Variants in GLDN observed in about 807,000 individuals in gnomAD.
GLDN encodes gliomedin.
A neutral mutation model predicts 56.5 loss-of-function variants in GLDN; 47 were observed. The observed-to-expected ratio is 0.83, with a 90% CI of 0.66 to 1.06. The LOEUF is 1.06. Among genes scored for constraint, GLDN ranks in the 50% least tolerant of loss-of-function variants. GLDN has a pLI of 0.00. For synonymous variants in GLDN, 332 were observed against 278.8 expected, an observed-to-expected ratio of 1.19 and a Z score of -1.90; for missense variants, 782 against 714.3, an observed-to-expected ratio of 1.09 and a Z score of -1.08.
Position 51,400,370 on chromosome 15 carries a change from C to T in GLDN, c.902-3C>T. The stretch of plus-strand genomic sequence containing the variant: ...GTGACTTTCTTTTCTCTTCTTTTGG[C>T]AGAATCCATGATCACTTCCATTGGA... On this transcript the variant is annotated splice_polypyrimidine_tract_variant and splice_region_variant and intron_variant, in intron 7 of 9. Coordinates refer to ENST00000335449, the MANE Select transcript of GLDN (RefSeq NM_181789.4). 1.9e-6 allele frequency: 3 copies of T among 1,614,172 alleles called. No individual in the cohort carries two copies. The highest frequency in any genetic ancestry group is 2.5e-6 in the Non-Finnish European group (3 of 1,180,020).
intron 1 of GLDN, among the ~76,000 whole-genome samples, chr15:51,349,674 G>A (rs1008491404): frequency 1.3e-5 from 2 of 151,820 alleles, no homozygotes; most frequent in African/African-American, 2.4e-5. Flanking sequence ...TTTTTGTCTC[G>A]TTCTTCTCAG....
intron 4 of GLDN, among the ~76,000 whole-genome samples, chr15:51,386,252 G>A (rs1235628415): frequency 1.3e-5 from 2 of 152,134 alleles, no homozygotes; most frequent in African/African-American, 4.8e-5. Flanking sequence ...CCCCCATGAG[G>A]AGTTCATTGT....
Position 51,400,706 on chromosome 15 carries a change from A to T in GLDN, c.1027+208A>T, listed in dbSNP as rs114537731. Reference sequence around the variant, plus strand: ...TGGCAAGCCTTGAAGTTCAGGTCACAGGGGCATGAGGAGGGTAACCCAGAT... The same window carrying T: ...TGGCAAGCCTTGAAGTTCAGGTCACTGGGGCATGAGGAGGGTAACCCAGAT... On this transcript the variant is annotated intron_variant, in intron 8 of 9. Transcript: ENST00000335449. 9.8e-3 allele frequency among the ~76,000 whole-genome samples: 1,494 copies of T among 152,338 alleles called. 26 individuals are homozygous for T. The highest frequency in any genetic ancestry group is 0.034 in the African/African-American group (1,422 of 41,578).
chr15:51,372,167 T>A (rs1217948814), intron 1 of GLDN, among the ~76,000 whole-genome samples: 1 of 151,328 alleles, frequency 6.6e-6, no homozygotes, highest in Admixed American at 6.7e-5. Context: ...AGCCACCAGT[T>A]CCACTACCAT....
In GLDN at chr15:51,342,011, T is replaced by C. The variant is rs534019745; in HGVS notation, c.327T>C (p.His109=). 41 of 1,597,234 alleles carry C rather than the reference T, an allele frequency of 2.6e-5. No homozygotes were observed. Among genetic ancestry groups the C allele is most frequent in the Non-Finnish European group, 3.3e-5 (39 of 1,179,204 alleles). ...CGCCGCATATCCGCGCCGAGAGCCA[T>C]GACATGCTGATGATGATGACCTACT... is the stretch of plus-strand genomic sequence containing the variant. The part of the protein sequence containing the change: ...EPAPHIRAES[H]DMLMMMTYSM... Residue 109 remains histidine (H), a synonymous_variant, in exon 1 of 10, where the codon CAT becomes CAC. Transcript: ENST00000335449.
At chr15:51,391,308 C>T (rs2038015326) in intron 4 of GLDN, among the ~76,000 whole-genome samples, 1 of 151,916 alleles carries the variant, frequency 6.6e-6, no homozygotes, top group African/African-American at 2.4e-5. Flanking sequence ...AAAGAAAAGA[C>T]ATAAGAGGAA....
chr15:51,362,645 G>C (rs1035038823), intron 1 of GLDN, among the ~76,000 whole-genome samples: 4 of 152,066 alleles, frequency 2.6e-5, no homozygotes, highest in Admixed American at 2.6e-4. Context: ...GAAGAAGAGT[G>C]ACATGATCTC....
chr15:51,394,612 C>CAATA (rs142890346), intron 4 of GLDN, among the ~76,000 whole-genome samples: 4,762 of 151,502 alleles, frequency 0.031, 91 homozygotes, highest in Non-Finnish European at 0.044. Flanking sequence ...GAGTCCATCT[C>CAATA]AATAAATAAA....
At chr15:51,352,100 CT>C (rs2037086405) in intron 1 of GLDN, among the ~76,000 whole-genome samples, 1 of 151,852 alleles carries the variant, frequency 6.6e-6, no homozygotes, top group Non-Finnish European at 1.5e-5. Context: ...AAATTTATTT[CT>C]TATGGTTCTG....
intron 1 of GLDN, among the ~76,000 whole-genome samples, chr15:51,350,880 C>T (rs2037064115): frequency 1.3e-5 from 2 of 152,190 alleles, no homozygotes; most frequent in Non-Finnish European, 2.9e-5. Context: ...CCATCAGGAC[C>T]TACTCTCATG....
In GLDN at chr15:51,406,009, G is replaced by C. The variant is rs2038373228; in HGVS notation, c.*1255G>C. ...ACTCCTGATAAAGAATATAAAGTGA[G>C]CCTGATTCTTGAAAAAATCAGAACC... On this transcript the variant is annotated 3_prime_UTR_variant, in exon 10 of 10. Transcript: ENST00000335449. The C allele has an allele frequency of 6.6e-6, 1 of 152,124 alleles. No individual in the cohort carries two copies. Among genetic ancestry groups the C allele is most frequent in the Admixed American group, 6.5e-5 (1 of 15,280 alleles). The allele number at this position is 152,124 out of a possible 1,614,324, so 9.4% of individuals were successfully genotyped here. A position where few individuals can be genotyped will look rare whatever the true frequency, so the allele number is the denominator to read the frequency against.
downstream of GLDN, among the ~76,000 whole-genome samples, chr15:51,410,588 A>G (rs1406321508): frequency 6.6e-6 from 1 of 152,106 alleles, no homozygotes; most frequent in Non-Finnish European, 1.5e-5. Flanking sequence ...ACAGGTGTTG[A>G]TCCTAAGGGC....
intron 1 of GLDN, among the ~76,000 whole-genome samples, chr15:51,364,769 G>A (rs1438861792): frequency 6.6e-6 from 1 of 151,810 alleles, no homozygotes; most frequent in East Asian, 1.9e-4. Context: ...CCTCATTATT[G>A]GTTGTGTTTT....
chr15:51,402,342 G>A (rs1415733784), intron 9 of GLDN, among the ~76,000 whole-genome samples: 1 of 151,068 alleles, frequency 6.6e-6, no homozygotes, highest in Non-Finnish European at 1.5e-5. Context: ...TGTCTTTAGG[G>A]TTCAAGAAGA....
At position 51,400,184 on chromosome 15, in the gene GLDN, C is replaced by A. The variant is rs757353345; in HGVS notation, c.818-8C>A. On this transcript the variant is annotated splice_polypyrimidine_tract_variant and splice_region_variant and intron_variant, in intron 6 of 9. Transcript: ENST00000335449. Reference sequence around the variant, plus strand: ...TATCGGCTCTGATGATTATTGTTGTCATTTTAGGTGAGACTTGTGCCATAC... The same window carrying A: ...TATCGGCTCTGATGATTATTGTTGTAATTTTAGGTGAGACTTGTGCCATAC... 5 of 1,613,454 alleles carry A rather than the reference C, an allele frequency of 3.1e-6. No individual in the cohort carries two copies. Among genetic ancestry groups the A allele is most frequent in the South Asian group, 1.1e-5 (1 of 91,000 alleles).
Position 51,406,936 on chromosome 15 carries a change from A to G in GLDN, c.*2182A>G, listed in dbSNP as rs934415351. The G allele has an allele frequency of 6.6e-6, 1 of 152,238 alleles. No individual in the cohort carries two copies. The highest frequency in any genetic ancestry group is 2.4e-5 in the African/African-American group (1 of 41,464). 9.4% of individuals were successfully genotyped at this position (152,238 alleles called of 1,614,324 possible). A position where few individuals can be genotyped will look rare whatever the true frequency, so the allele number is the denominator to read the frequency against. On this transcript the variant is annotated 3_prime_UTR_variant, in exon 10 of 10. Coordinates refer to ENST00000335449, the MANE Select transcript of GLDN (RefSeq NM_181789.4). Reference sequence around the variant, plus strand: ...TAAATATATATGTTGCTGTTGCTGAATACAGGAGACCAGGTTAGGAATATA... The same window carrying G: ...TAAATATATATGTTGCTGTTGCTGAGTACAGGAGACCAGGTTAGGAATATA...
intron 1 of GLDN, among the ~76,000 whole-genome samples, chr15:51,369,412 G>T (rs1291448147): frequency 6.6e-6 from 1 of 152,244 alleles, no homozygotes; most frequent in Non-Finnish European, 1.5e-5. Flanking sequence ...GTTCCAGCCA[G>T]CAAACTGTAA....
the GLDN span, among the ~76,000 whole-genome samples, chr15:51,413,140 C>G: frequency 1.3e-5 from 2 of 151,948 alleles, no homozygotes; most frequent in African/African-American, 4.8e-5. Flanking sequence ...CACTTTATTT[C>G]CTTTCTTGGA....
At position 51,406,734 on chromosome 15, in the gene GLDN, G is replaced by A; in HGVS notation, c.*1980G>A. 6.6e-6 allele frequency: 1 copy of A among 152,180 alleles called. No individual in the cohort carries two copies. Among genetic ancestry groups the A allele is most frequent in the East Asian group, 1.9e-4 (1 of 5,194 alleles). 9.4% of individuals were successfully genotyped at this position (152,180 alleles called of 1,614,324 possible). On this transcript the variant is annotated 3_prime_UTR_variant, in exon 10 of 10. Transcript: ENST00000335449. ...GTCCCCAGGCAGCTGTCAATGACTT[G>A]TTTGTTGTGTTCTCAATATGATGGC...
Sources: allele counts gnomAD v4.1 joint callset (sites outside exome capture counted in the v4.1 genomes callset), GRCh38; gene constraint gnomAD v4.1.1; transcripts MANE v1.5; gene names NCBI Gene and HGNC (gene_info 2026-07-23, HGNC 2026-07-21).